Variants in KMT2D observed in about 807,000 individuals in gnomAD.
KMT2D encodes the protein lysine methyltransferase 2D, also known as histone-lysine N-methyltransferase 2D.
Under a neutral mutation model 512.7 loss-of-function variants are expected in KMT2D, and 55 were observed. The ratio of observed to expected loss-of-function variants is 0.11; its 90% CI spans 0.09 to 0.13. The LOEUF (loss-of-function observed/expected upper bound fraction) is 0.13, where lower values mean the gene tolerates loss of function less well. Among genes scored for constraint, KMT2D ranks in the 10% least tolerant of loss-of-function variants. The probability of loss-of-function intolerance (pLI) is 1.00; values close to 1 mark genes in which losing one functional copy is unlikely to be tolerated. For missense variants in KMT2D, 6,061 were observed against 7,127.9 expected (o/e 0.85, Z 5.39); for synonymous variants, 2,995 against 2,904.0 (o/e 1.03, Z -1.01).
rs1937812728 is a variant in KMT2D, at chr12:49,049,744, C to A, written c.3844G>T (p.Gly1282Cys). The change falls in exon 12 of 55, where the codon GGC becomes TGC. Residue 1282 changes from glycine (G) to cysteine (C), a missense_variant. Gly to Cys is a radical substitution (Grantham distance 159). Around this residue, in one of 16 missense-constraint regions of KMT2D, gnomAD observed 447 missense variants for 500.1 expected, o/e 0.89. Transcript: ENST00000301067. ...CGCCCCTTCTCCCCCTCAGCTTTGC[C>A]TCCGCTGATAGCTGTCCCAGCATCG... ...LCDAGTAISGGKAEGEKGRRR... is the reference protein window; with the variant it reads ...LCDAGTAISGCKAEGEKGRRR... The A allele has an allele frequency of 1.2e-6, 2 of 1,607,234 alleles. No individual in the cohort carries two copies. The highest frequency in any genetic ancestry group is 1.7e-6 in the Non-Finnish European group (2 of 1,174,200).
At position 49,031,181 on chromosome 12, in the gene KMT2D, G is replaced by C; in HGVS notation, c.13524C>G (p.Asn4508Lys). 1 of 1,607,696 alleles carries C rather than the reference G, an allele frequency of 6.2e-7. No homozygotes were observed. The highest frequency in any genetic ancestry group is 8.5e-7 in the Non-Finnish European group (1 of 1,175,978). ...LEQKLQGTPSNKEDAAARKPL... is the reference protein window; with the variant it reads ...LEQKLQGTPSKKEDAAARKPL... Reference sequence around the variant, plus strand: ...CTCTACTCAGAGTACTCACCTCCTTGTTGCTGGGGGTACCCTGTAGTTTCT... The same window carrying C: ...CTCTACTCAGAGTACTCACCTCCTTCTTGCTGGGGGTACCCTGTAGTTTCT... The change falls in exon 40 of 55, where the codon AAC (asparagine) becomes AAG (lysine). Residue 4508 changes from asparagine to lysine, a missense_variant. Physicochemically the swap from Asn to Lys is moderately conservative, Grantham distance 94 (BLOSUM62 0). Transcript: ENST00000301067.
At position 49,036,998 on chromosome 12, in the gene KMT2D, A is replaced by G. The variant is rs1943252811; in HGVS notation, c.10231+127T>C. 7 of 1,251,086 alleles carry G rather than the reference A, an allele frequency of 5.6e-6. No homozygotes were observed. In the South Asian group the frequency reaches 1.2e-4, roughly 21 times the overall value. The allele number at this position is 1,251,086 out of a possible 1,614,324, so 77.5% of individuals were successfully genotyped here. A position where few individuals can be genotyped will look rare whatever the true frequency, so the allele number is the denominator to read the frequency against. On this transcript the variant is annotated intron_variant, in intron 35 of 54. Transcript: ENST00000301067. ...TGTTTCTGCCTCTACCACTAGTATGATATTTAGCCAAAGTTCTTTGTGTCC... is the reference window on the plus strand; with the variant it reads ...TGTTTCTGCCTCTACCACTAGTATGGTATTTAGCCAAAGTTCTTTGTGTCC...
At chr12:49,049,036 G>C in intron 13 of KMT2D, 69 bp downstream of exon 13, 1 of 981,748 alleles carries the variant, frequency 1.0e-6, no homozygotes, top group Non-Finnish European at 1.6e-6. Context: ...AGCATGCAAG[G>C]GACTGGCAGG....
Position 49,021,294 on chromosome 12 carries a change from G to C in KMT2D, c.*486C>G, listed in dbSNP as rs1942315338. On this transcript the variant is annotated 3_prime_UTR_variant, in exon 55 of 55. Coordinates refer to ENST00000301067, the MANE Select transcript of KMT2D (RefSeq NM_003482.4). ...AAGAGGGAGGGGGATGGGGGTGAGG[G>C]TGGGGGCAGGACCCGGCAGGCAGGG... The C allele has an allele frequency of 4.3e-6, 1 of 233,910 alleles. No homozygotes were observed. Among genetic ancestry groups the C allele is most frequent in the Non-Finnish European group, 8.4e-6 (1 of 118,368 alleles). The allele number at this position is 233,910 out of a possible 1,614,324, so 14.5% of individuals were successfully genotyped here.
Position 49,053,083 on chromosome 12 carries a change from G to C in KMT2D, c.955-11C>G, listed in dbSNP as rs1192317373. On this transcript the variant is annotated splice_polypyrimidine_tract_variant and intron_variant, in intron 8 of 54. Transcript: ENST00000301067. ...GCACACCCGGCACGCCTAAGGGAAGGGAGTGGGCAAAACAGGCATTGGTCA... is the reference window on the plus strand; with the variant it reads ...GCACACCCGGCACGCCTAAGGGAAGCGAGTGGGCAAAACAGGCATTGGTCA... 6.2e-7 allele frequency: 1 copy of C among 1,613,992 alleles called. No homozygotes were observed. The highest frequency in any genetic ancestry group is 1.7e-5 in the Admixed American group (1 of 60,026).
rs1938699657 is a variant in KMT2D, at chr12:49,060,652, C to G, written c.-1077G>C. On this transcript the variant is annotated 5_prime_UTR_variant, in exon 1 of 55. Coordinates refer to ENST00000301067, the MANE Select transcript of KMT2D (RefSeq NM_003482.4). ...GTGGTTCCTGCGAAGGGGCTATTTC[C>G]TGGCCCAAGAGCTGGGCAGCGGTCG... Among the ~76,000 whole-genome samples the G allele has an allele frequency of 1.3e-5, 2 of 152,256 alleles. No homozygotes were observed. The highest frequency in any genetic ancestry group is 2.9e-5 in the Non-Finnish European group (2 of 68,034).
At position 49,049,719 on chromosome 12, in the gene KMT2D, C is replaced by T. The variant is rs751561975; in HGVS notation, c.3869G>A (p.Arg1290Gln). The T allele has an allele frequency of 1.1e-5, 18 of 1,601,656 alleles. No individual in the cohort carries two copies. The highest frequency in any genetic ancestry group is 1.7e-4 in the Middle Eastern group (1 of 6,038). The change falls in exon 12 of 55, where the codon CGG becomes CAG. Residue 1290 changes from arginine (R) to glutamine (Q), a missense_variant. By Grantham distance (43) the Arg-to-Gln change is conservative. Coordinates refer to ENST00000301067, the MANE Select transcript of KMT2D (RefSeq NM_003482.4). ...GGAACGGGCTGGGGAGCTGCGCCGCCGCCCCTTCTCCCCCTCAGCTTTGCC... is the reference window on the plus strand; with the variant it reads ...GGAACGGGCTGGGGAGCTGCGCCGCTGCCCCTTCTCCCCCTCAGCTTTGCC... The part of the protein sequence containing the change: ...SGGKAEGEKG[R>Q]RRSSPARSRI...
In KMT2D at chr12:49,048,701, G is replaced by A. The variant is rs369601017; in HGVS notation, c.4089C>T (p.Thr1363=). Residue 1363 remains threonine, a synonymous_variant, in exon 14 of 55, where the codon ACC becomes ACT. Transcript: ENST00000301067. Reference sequence around the variant, plus strand: ...TGTCTGTGTTGGAGAAGAGAACCACGGTATTCTGCATGGTGTCATCATCTT... The same window carrying A: ...TGTCTGTGTTGGAGAAGAGAACCACAGTATTCTGCATGGTGTCATCATCTT... ...EEEDDDTMQN[T]VVLFSNTDKF... is the part of the protein sequence containing the mutation. 1.3e-4 allele frequency: 216 copies of A among 1,613,656 alleles called. 1 individual carries two copies. The highest frequency in any genetic ancestry group is 1.8e-4 in the South Asian group (16 of 91,064).
At position 49,019,423 on chromosome 12, in the gene KMT2D, AAACC is replaced by A. The variant is rs575152122; in HGVS notation, c.*2353_*2356del. On this transcript the variant is annotated 3_prime_UTR_variant, in exon 55 of 55. Transcript: ENST00000301067. ...TATACAGGCAGGGTACTTAAAAAAA[AAACC>A]AACCAAAATTCCAACCTTGTAGCTT... 8.2e-4 allele frequency: 183 copies of A among 223,174 alleles called. No homozygotes were observed. The highest frequency in any genetic ancestry group is 1.5e-3 in the Non-Finnish European group (165 of 111,370). 13.8% of individuals were successfully genotyped at this position (223,174 alleles called of 1,614,324 possible). A position where few individuals can be genotyped will look rare whatever the true frequency, so the allele number is the denominator to read the frequency against.
chr12:49,041,830 G>C lies in KMT2D; in HGVS notation c.6183+87C>G. ...TTCTGGCCCAGCTGCTTTAGGAGTG[G>C]GGAGCGGAAAGAACTGAGGTAAATT... On this transcript the variant is annotated intron_variant, in intron 30 of 54. Coordinates refer to ENST00000301067, the MANE Select transcript of KMT2D (RefSeq NM_003482.4). The surrounding 1 kb of genome is among the most constrained non-coding windows in gnomAD (Gnocchi z 5.4). 6.6e-7 allele frequency: 1 copy of C among 1,520,994 alleles called. No individual in the cohort carries two copies. Among genetic ancestry groups the C allele is most frequent in the Non-Finnish European group, 9.0e-7 (1 of 1,116,956 alleles). 94.2% of individuals were successfully genotyped at this position (1,520,994 alleles called of 1,614,324 possible).
In KMT2D at chr12:49,022,479, T is replaced by C; in HGVS notation, c.16338+111A>G. 6.6e-7 allele frequency: 1 copy of C among 1,513,432 alleles called. No individual in the cohort carries two copies. Among genetic ancestry groups the C allele is most frequent in the Non-Finnish European group, 9.0e-7 (1 of 1,105,098 alleles). 93.8% of individuals were successfully genotyped at this position (1,513,432 alleles called of 1,614,324 possible). ...TGCATGTACTTCATTTCTCCTGCCT[T>C]TCCCTTCTCCCCACCACAGCTTTCC... On this transcript the variant is annotated intron_variant, in intron 52 of 54. Transcript: ENST00000301067. The surrounding 1 kb of genome is among the most constrained non-coding windows in gnomAD (Gnocchi z 8.6).
Position 49,038,426 on chromosome 12 carries a change from T to C in KMT2D, c.8930A>G (p.Asn2977Ser), listed in dbSNP as rs1199029417. The C allele has an allele frequency of 5.6e-6, 9 of 1,613,040 alleles. No homozygotes were observed. The East Asian group carries it at 1.3e-4, about 24-fold the overall frequency. ...CTTCCCAGCTTCCAGGGCCAGAGGATTGGGGCGGCCAAGCTCAGTGCTCGA... is the reference window on the plus strand; with the variant it reads ...CTTCCCAGCTTCCAGGGCCAGAGGACTGGGGCGGCCAAGCTCAGTGCTCGA... ...PPSSTELGRP[N>S]PLALEAGKLP... Residue 2977 changes from asparagine to serine, a missense_variant, in exon 35 of 55, where the codon AAT (asparagine) becomes AGT (serine). Asn to Ser is a conservative substitution (Grantham distance 46). Around this residue, in one of 16 missense-constraint regions of KMT2D, gnomAD observed 527 missense variants for 578.9 expected, o/e 0.91. Transcript: ENST00000301067. This position sits in a 1 kb window ranked among gnomAD's most constrained non-coding sequence, Gnocchi z 5.7.
In KMT2D at chr12:49,038,010, G is replaced by A. The variant is rs765227366; in HGVS notation, c.9346C>T (p.Pro3116Ser). 11 of 1,606,654 alleles carry A rather than the reference G, an allele frequency of 6.8e-6. No individual in the cohort carries two copies. The highest frequency in any genetic ancestry group is 9.3e-6 in the Non-Finnish European group (11 of 1,176,848). Residue 3116 changes from proline to serine, a missense_variant, in exon 35 of 55, where the codon CCT becomes TCT. Coordinates refer to ENST00000301067, the MANE Select transcript of KMT2D (RefSeq NM_003482.4). This position sits in a 1 kb window ranked among gnomAD's most constrained non-coding sequence, Gnocchi z 5.7. The part of the protein sequence containing the change: ...ASEPRLASVL[P>S]EVKPKVEEGG... ...TCCTCCACCTTGGGCTTCACCTCAG[G>A]GAGCACAGATGCCAGGCGGGGTTCA... is the stretch of plus-strand genomic sequence containing the variant.
chr12:49,031,319 G>A lies in KMT2D; in HGVS notation c.13386C>T (p.Leu4462=), dbSNP rs759673318. 2.5e-6 allele frequency: 4 copies of A among 1,613,576 alleles called. No homozygotes were observed. Among genetic ancestry groups the A allele is most frequent in the Non-Finnish European group, 3.4e-6 (4 of 1,179,900 alleles). The change falls in exon 40 of 55, where the codon CTC becomes CTT. Residue 4462 remains leucine (L), a synonymous_variant. Transcript: ENST00000301067. ...AGPRSEAGHL[L]LQKLLRAKNV... is the part of the protein sequence containing the mutation. Reference sequence around the variant, plus strand: ...TCTTTGCCCGGAGTAGCTTCTGCAAGAGCAGATGCCCAGCTTCTGAGCGAG... The same window carrying A: ...TCTTTGCCCGGAGTAGCTTCTGCAAAAGCAGATGCCCAGCTTCTGAGCGAG...
chr12:49,053,749 A>C, intron 6 of KMT2D, 108 bp from the exon 7 acceptor site: 1 of 1,315,126 alleles, frequency 7.6e-7, no homozygotes, highest in Non-Finnish European at 1.0e-6. Context: ...ACAAACAACA[A>C]AGTTACTGAG....
rs1282557893 is a variant in KMT2D at position 49,048,083 on chromosome 12, G to A, written c.4132-14C>T. ...CACACACATGTCCTGGGGAAACACA[G>A]AGAAACCCAAATGTCCAACTAGATC... On this transcript the variant is annotated splice_polypyrimidine_tract_variant and intron_variant, in intron 14 of 54. Transcript: ENST00000301067. 18 of 1,564,758 alleles carry A rather than the reference G, an allele frequency of 1.2e-5. No homozygotes were observed. The highest frequency in any genetic ancestry group is 1.5e-5 in the Non-Finnish European group (17 of 1,137,500).
Position 49,046,184 on chromosome 12 carries a change from A to G in KMT2D, c.4584-10T>C, listed in dbSNP as rs755136735. On this transcript the variant is annotated splice_polypyrimidine_tract_variant and intron_variant, in intron 17 of 54. Transcript: ENST00000301067. The surrounding 1 kb of genome is among the most constrained non-coding windows in gnomAD (Gnocchi z 4.2). ...GCCTGCATGCATCCACCTGGAGAAC[A>G]GAGACTGGAGGAAATAAGCTCAGGC... is the stretch of plus-strand genomic sequence containing the variant. 151 of 1,611,930 alleles carry G rather than the reference A, an allele frequency of 9.4e-5. No individual in the cohort carries two copies. The highest frequency in any genetic ancestry group is 1.3e-4 in the Non-Finnish European group (150 of 1,178,940).
Position 49,042,608 on chromosome 12 carries a change from T to A in KMT2D, c.5820A>T (p.Pro1940=). ...LPLGNLPSSS[P]MDSYPGLCQS... is the part of the protein sequence containing the mutation. ...GGCAGAGGCCTGGGTAGGAGTCCAT[T>A]GGGCTGCTGGAGGGCAGATTGCCCA... The change falls in exon 28 of 55, where the codon CCA becomes CCT. Residue 1940 remains proline, a synonymous_variant. Transcript: ENST00000301067. The surrounding 1 kb of genome is among the most constrained non-coding windows in gnomAD (Gnocchi z 4.4). 1 of 1,613,750 alleles carries A rather than the reference T, an allele frequency of 6.2e-7. No individual in the cohort carries two copies.
chr12:49,044,576 A>G lies in KMT2D; in HGVS notation c.4964-54T>C. On this transcript the variant is annotated intron_variant, in intron 20 of 54. Coordinates refer to ENST00000301067, the MANE Select transcript of KMT2D (RefSeq NM_003482.4). This position sits in a 1 kb window ranked among gnomAD's most constrained non-coding sequence, Gnocchi z 6.4. ...CAAATCAGAACTATAGGCCCTTTTA[A>G]CCTTGTCATCCTGCCACTGAGAGAG... The G allele has an allele frequency of 6.3e-7, 1 of 1,597,342 alleles. No individual in the cohort carries two copies. Among genetic ancestry groups the G allele is most frequent in the Non-Finnish European group, 8.5e-7 (1 of 1,171,028 alleles).
Sources: allele counts gnomAD v4.1 joint callset (sites outside exome capture counted in the v4.1 genomes callset), GRCh38; gene constraint gnomAD v4.1.1; regional missense constraint gnomAD v4.1.1; non-coding constraint Gnocchi (gnomAD v3.1); transcripts MANE v1.5; gene names NCBI Gene and HGNC (gene_info 2026-07-23, HGNC 2026-07-21).